Variants in EYA1 observed in about 807,000 individuals in gnomAD.
EYA1 encodes the protein protein phosphatase EYA1.
Under a neutral mutation model 82.0 loss-of-function variants are expected in EYA1, and 16 were observed. The ratio of observed to expected loss-of-function variants is 0.20; its 90% CI spans 0.13 to 0.30. The LOEUF is 0.30. EYA1 is among the 10% of genes least tolerant of loss of function. The pLI, the probability that EYA1 is intolerant of heterozygous loss-of-function variation, is 1.00. For missense variants in EYA1, 633 were observed against 730.7 expected (o/e 0.87, Z 1.54); for synonymous variants, 261 against 264.4 (o/e 0.99, Z 0.12).
At chr8:71,465,168 A>G (rs769340411) in intron 2 of EYA1, among the ~76,000 whole-genome samples, 19 of 152,338 alleles carry the variant, frequency 1.2e-4, no homozygotes, top group Non-Finnish European at 2.1e-4. Flanking sequence ...GACAAATGTT[A>G]AATGATGTTA....
At chr8:71,223,540 C>A (rs1248365292) in intron 12 of EYA1, among the ~76,000 whole-genome samples, 1 of 152,240 alleles carries the variant, frequency 6.6e-6, no homozygotes, top group Non-Finnish European at 1.5e-5. Context: ...AAACTGCCAA[C>A]ACATGAAGTC....
At chr8:71,254,228 C>A (rs1221097602) in intron 11 of EYA1, among the ~76,000 whole-genome samples, 3 of 108,588 alleles carry the variant, frequency 2.8e-5, no homozygotes, top group African/African-American at 3.6e-5. Context: ...TATACCCCAT[C>A]TATAAAGTCT....
rs9298167 is a variant in EYA1, at chr8:71,277,115, ATTTTTTTTT to A, written c.827-5227_827-5219del. Among the ~76,000 whole-genome samples the A allele has an allele frequency of 4.0e-4, 31 of 76,942 alleles. 1 individual carries two copies. In the East Asian group the frequency reaches 4.2e-3, roughly 10 times the overall value. 50.5% of individuals were successfully genotyped at this position (76,942 alleles called of 152,430 possible). ...GCCATGCTATTTCATGGCTTCACAC[ATTTTTTTTT>A]TTTTTTTTTTTTTTTTTTTTTTTTA... On this transcript the variant is annotated intron_variant, in intron 9 of 17. Coordinates refer to ENST00000340726, the MANE Select transcript of EYA1 (RefSeq NM_000503.6).
At chr8:71,269,880 C>T (rs1332422331) in intron 10 of EYA1, 57 bp from the exon 11 acceptor site, 1 of 1,320,274 alleles carries the variant, frequency 7.6e-7, no homozygotes, top group African/African-American at 1.4e-5. Flanking sequence ...AGCTGTTATT[C>T]AGTTAACTTC....
chr8:71,369,031 A>C (rs9298172), intron 2 of EYA1, among the ~76,000 whole-genome samples: 1 of 76,758 alleles, frequency 1.3e-5, no homozygotes, highest in Non-Finnish European at 2.7e-5. Context: ...TACTAAAAAT[A>C]CAAAAAAAAA....
Position 71,439,667 on chromosome 8 carries a change from G to A in EYA1, c.34-83156C>T, listed in dbSNP as rs550302242. On this transcript the variant is annotated intron_variant, in intron 2 of 18. Transcript: ENST00000643681. ...TGGAAATAGAGTTGTAAAGCTTAAT[G>A]GTCTGGGTCAATCCTTCTCCTAATG... Among the ~76,000 whole-genome samples the A allele has an allele frequency of 7.2e-5, 11 of 152,244 alleles. No individual in the cohort carries two copies. The South Asian group carries it at 1.9e-3, about 26-fold the overall frequency.
chr8:71,363,181 A>G (rs754033599), upstream of EYA1, among the ~76,000 whole-genome samples: 1 of 152,164 alleles, frequency 6.6e-6, no homozygotes, highest in African/African-American at 2.4e-5. Flanking sequence ...GGCGCTTGAT[A>G]GATGTGAAAA....
intron 9 of EYA1, among the ~76,000 whole-genome samples, chr8:71,298,607 G>A (rs577578232): frequency 3.9e-4 from 60 of 152,196 alleles, no homozygotes; most frequent in Non-Finnish European, 6.0e-4. Context: ...TGGGAAAGCA[G>A]AGGCTCACTT....
chr8:71,505,208 T>C (rs1196573870), intron 2 of EYA1, among the ~76,000 whole-genome samples: 1 of 152,140 alleles, frequency 6.6e-6, no homozygotes, highest in Non-Finnish European at 1.5e-5. Context: ...TAAAATGAAA[T>C]GAAGATGAAT....
At chr8:71,394,208 T>C (rs1369817369) in intron 2 of EYA1, among the ~76,000 whole-genome samples, 2 of 152,196 alleles carry the variant, frequency 1.3e-5, no homozygotes, top group Non-Finnish European at 2.9e-5. Flanking sequence ...GTCAGATGGG[T>C]AGATTGTAAA....
At chr8:71,372,225 TAG>T (rs1828125723) in intron 2 of EYA1, among the ~76,000 whole-genome samples, 12 of 152,106 alleles carry the variant, frequency 7.9e-5, no homozygotes, top group Admixed American at 7.9e-4. Flanking sequence ...ATACAAAGCC[TAG>T]GTCATGACTT....
chr8:71,386,504 T>C (rs570044977), intron 2 of EYA1, among the ~76,000 whole-genome samples: 28 of 152,336 alleles, frequency 1.8e-4, no homozygotes, highest in African/African-American at 6.7e-4. Flanking sequence ...TTTTAAACAC[T>C]GTATGGACCA....
At chr8:71,469,703 C>A (rs987568175) in intron 2 of EYA1, among the ~76,000 whole-genome samples, 14 of 152,076 alleles carry the variant, frequency 9.2e-5, no homozygotes, top group African/African-American at 3.1e-4. Context: ...AGAGATTTCT[C>A]TTTCTCTTGG....
intron 2 of EYA1, among the ~76,000 whole-genome samples, chr8:71,372,587 C>A (rs1828145093): frequency 6.6e-6 from 1 of 152,022 alleles, no homozygotes; most frequent in South Asian, 2.1e-4. Context: ...GATAGCTATA[C>A]CCTAGGCATG....
In EYA1 at chr8:71,401,672, G is replaced by A. The variant is rs376457435; in HGVS notation, c.34-45161C>T. On this transcript the variant is annotated intron_variant, in intron 2 of 18. Coordinates refer to the EYA1 transcript ENST00000643681. ...GCCTCAGTTTCTTCATCAGTCAAAT[G>A]GGAATAATAATAGTACAGAATTTCT... 4.1e-4 allele frequency among the ~76,000 whole-genome samples: 62 copies of A among 152,242 alleles called. 1 individual carries two copies. The South Asian group carries it at 0.012, about 31-fold the overall frequency.
At chr8:71,265,582 C>T (rs927093396) in intron 11 of EYA1, among the ~76,000 whole-genome samples, 2 of 152,106 alleles carry the variant, frequency 1.3e-5, no homozygotes, top group South Asian at 2.1e-4. Flanking sequence ...GTAATCCTCC[C>T]ACAGGAGGGG....
chr8:71,253,911 AGC>A (rs1386161033), intron 11 of EYA1, among the ~76,000 whole-genome samples: 1 of 152,214 alleles, frequency 6.6e-6, no homozygotes, highest in Admixed American at 6.5e-5. Context: ...ATCAAAATTC[AGC>A]AAGTGGTTTA....
At chr8:71,371,474 G>A (rs767710433) in intron 2 of EYA1, among the ~76,000 whole-genome samples, 11 of 152,140 alleles carry the variant, frequency 7.2e-5, no homozygotes, top group Non-Finnish European at 1.0e-4. Flanking sequence ...CTCCTAAGGC[G>A]AGAACTCAAT....
chr8:71,435,962 T>A (rs2129165993), intron 2 of EYA1, among the ~76,000 whole-genome samples: 1 of 152,288 alleles, frequency 6.6e-6, no homozygotes, highest in South Asian at 2.1e-4. Flanking sequence ...TACAAATGTA[T>A]TTCTCCTTTA....
Sources: gnomAD v4.1 joint callset for allele counts (sites outside exome capture counted in the v4.1 genomes callset) on GRCh38, gnomAD v4.1.1 for gene constraint, MANE v1.5 for transcripts, NCBI Gene and HGNC (gene_info 2026-07-23, HGNC 2026-07-21) for gene names.